Variants in CMIP observed in about 807,000 individuals in gnomAD.
CMIP encodes C-Maf-inducing protein.
In CMIP, 13 loss-of-function variants were observed where a neutral mutation model predicts 97.3. That is an observed-to-expected ratio of 0.13 (90% CI 0.09 to 0.21). The LOEUF (loss-of-function observed/expected upper bound fraction) is 0.21. CMIP is among the 10% of genes least tolerant of loss of function. The pLI, the probability that CMIP is intolerant of heterozygous loss-of-function variation, is 1.00. For synonymous variants in CMIP, 538 were observed against 436.3 expected (o/e 1.23, Z -2.91); for missense variants, 847 against 1,024.9 (o/e 0.83, Z 2.37).
intron 1 of CMIP, among the ~76,000 whole-genome samples, chr16:81,593,602 C>G (rs1046306140): frequency 6.6e-6 from 1 of 152,232 alleles, no homozygotes; most frequent in Non-Finnish European, 1.5e-5. Flanking sequence ...TTCAGCAAAG[C>G]TCTTTTTTCT....
intron 1 of CMIP, among the ~76,000 whole-genome samples, chr16:81,517,175 A>G (rs903766402): frequency 1.3e-5 from 2 of 150,738 alleles, no homozygotes; most frequent in South Asian, 4.2e-4. Context: ...ACGGCCTCCA[A>G]GGTCATCAGT....
At chr16:81,449,611 G>A (rs148890559) in intron 1 of CMIP, among the ~76,000 whole-genome samples, 65 of 149,884 alleles carry the variant, frequency 4.3e-4, no homozygotes, top group Middle Eastern at 6.8e-3. Flanking sequence ...TTCCCCCCAT[G>A]TGCCTAGCCT....
At chr16:81,661,035 A>C in intron 6 of CMIP, 89 bp downstream of exon 6, 1 of 1,522,330 alleles carries the variant, frequency 6.6e-7, no homozygotes, top group Non-Finnish European at 9.1e-7. Flanking sequence ...AGAAAGGCCA[A>C]AAACCTGGGC....
At chr16:81,609,154 CCTGTCCCCACACCCCCACA>C (rs1338903753) in intron 2 of CMIP, among the ~76,000 whole-genome samples, 1 of 152,106 alleles carries the variant, frequency 6.6e-6, no homozygotes, top group African/African-American at 2.4e-5. Flanking sequence ...TTCTTTTAAC[CCTGTCCCCACACCCCCACA>C]CTGTCCCTCC....
intron 1 of CMIP, among the ~76,000 whole-genome samples, chr16:81,527,797 C>A (rs2090160830): frequency 6.6e-6 from 1 of 152,210 alleles, no homozygotes; most frequent in Admixed American, 6.5e-5. Context: ...GTTGCTGGAT[C>A]ACATTTTATC....
intron 10 of CMIP, among the ~76,000 whole-genome samples, chr16:81,689,468 G>A (rs1183154964): frequency 6.6e-6 from 1 of 152,240 alleles, no homozygotes; most frequent in Non-Finnish European, 1.5e-5. Flanking sequence ...TTTGAGAAGT[G>A]TCTGTTCATA....
At chr16:81,617,073 G>C (rs545967393) in intron 2 of CMIP, 1 of 152,344 alleles carries the variant, frequency 6.6e-6, no homozygotes, top group South Asian at 2.1e-4. Flanking sequence ...GAGCACCAAC[G>C]GTGTGACCAG....
At chr16:81,656,725 C>A (rs2092486769) in intron 4 of CMIP, among the ~76,000 whole-genome samples, 2 of 152,180 alleles carry the variant, frequency 1.3e-5, no homozygotes, top group South Asian at 4.1e-4. Context: ...GCAGCCTCCG[C>A]CTTTTGGATT....
At chr16:81,570,332 G>T (rs561215722) in intron 1 of CMIP, among the ~76,000 whole-genome samples, 1 of 152,334 alleles carries the variant, frequency 6.6e-6, no homozygotes, top group South Asian at 2.1e-4. Flanking sequence ...GGAACTGGCA[G>T]TAGACTTCCG....
At chr16:81,668,991 ACT>A (rs1338727300) in intron 7 of CMIP, among the ~76,000 whole-genome samples, 4 of 99,394 alleles carry the variant, frequency 4.0e-5, no homozygotes, top group African/African-American at 8.2e-5. Flanking sequence ...CCCACCTCAC[ACT>A]CTCCTCCTTC....
rs919629790 is a variant in CMIP at position 81,623,686 on chromosome 16, G to A, written c.477+2760G>A. ...CTTCCTTTTAAAATGGCAAAGAAAC[G>A]TAAGGTGTTTTGGAGGTACCGCCAG... On this transcript the variant is annotated intron_variant, in intron 3 of 20. Transcript: ENST00000537098. Among the ~76,000 whole-genome samples the A allele has an allele frequency of 2.6e-4, 40 of 152,322 alleles. 1 individual carries two copies. The highest frequency in any genetic ancestry group is 9.1e-4 in the African/African-American group (38 of 41,572).
intron 1 of CMIP, among the ~76,000 whole-genome samples, chr16:81,561,688 T>A (rs1275084472): frequency 6.6e-5 from 10 of 152,210 alleles, no homozygotes; most frequent in Non-Finnish European, 1.3e-4. Flanking sequence ...AATCTGACTC[T>A]GGCTTTAAAA....
intron 1 of CMIP, among the ~76,000 whole-genome samples, chr16:81,482,669 A>G (rs1382488586): frequency 2.6e-5 from 4 of 151,996 alleles, no homozygotes; most frequent in African/African-American, 7.3e-5. Context: ...GAAGAGGGAG[A>G]GCTAGGAGCA....
In CMIP at chr16:81,637,759, T is replaced by C. The variant is rs1027685726; in HGVS notation, c.478-14444T>C. 9.4e-5 allele frequency among the ~76,000 whole-genome samples: 14 copies of C among 149,594 alleles called. No homozygotes were observed. The East Asian group carries it at 1.8e-3, about 19-fold the overall frequency. On this transcript the variant is annotated intron_variant, in intron 3 of 20. Coordinates refer to ENST00000537098, the MANE Select transcript of CMIP (RefSeq NM_198390.3). ...AGCAAAGAGTGATGAGGGTAGTAAG[T>C]TGGCATGCTGAGCATGGGGCTGGGA...
chr16:81,515,625 C>G (rs2089897868), intron 1 of CMIP, among the ~76,000 whole-genome samples: 1 of 152,144 alleles, frequency 6.6e-6, no homozygotes, highest in Non-Finnish European at 1.5e-5. Flanking sequence ...TGAAGCATCA[C>G]CGGCTTTATT....
intron 1 of CMIP, among the ~76,000 whole-genome samples, chr16:81,454,356 C>G (rs1264232634): frequency 2.6e-5 from 4 of 152,206 alleles, no homozygotes; most frequent in Non-Finnish European, 2.9e-5. Context: ...AAAGCCAGGT[C>G]TGACCCCGTG....
intron 1 of CMIP, among the ~76,000 whole-genome samples, chr16:81,559,284 G>C (rs138650817): frequency 1.3e-5 from 2 of 152,194 alleles, no homozygotes; most frequent in African/African-American, 2.4e-5. Flanking sequence ...GTGGGGTGAA[G>C]GTGAACATTT....
At chr16:81,468,914 G>A (rs1332552280) in intron 1 of CMIP, among the ~76,000 whole-genome samples, 2 of 152,232 alleles carry the variant, frequency 1.3e-5, no homozygotes, top group African/African-American at 2.4e-5. Context: ...TGTGGAGGGC[G>A]GACGCAGTGA....
At chr16:81,654,817 T>C (rs1266332989) in intron 4 of CMIP, among the ~76,000 whole-genome samples, 3 of 152,222 alleles carry the variant, frequency 2.0e-5, no homozygotes, top group African/African-American at 7.2e-5. Flanking sequence ...CTTATGCCCC[T>C]GCACATAGAT....
Sources: allele counts gnomAD v4.1 joint callset (sites outside exome capture counted in the v4.1 genomes callset), GRCh38; gene constraint gnomAD v4.1.1; transcripts MANE v1.5; gene names NCBI Gene and HGNC (gene_info 2026-07-23, HGNC 2026-07-21).